RALYL: variants seen among roughly 807,000 people sequenced by gnomAD.
RALYL encodes RALY RNA binding protein like.
RALYL carries 29 observed loss-of-function variants against 35.1 expected under a neutral mutation model. The ratio of observed to expected loss-of-function variants is 0.83; its 90% CI spans 0.61 to 1.13. The LOEUF is 1.13. RALYL is among the 50% of genes most tolerant of loss of function. RALYL has a pLI of 0.00. For missense variants in RALYL, 359 were observed against 360.4 expected (o/e 1.00, Z 0.03); for synonymous variants, 120 against 127.6 (o/e 0.94, Z 0.40).
At chr8:84,331,440 T>C (rs1846795391) in intron 1 of RALYL, among the ~76,000 whole-genome samples, 1 of 152,116 alleles carries the variant, frequency 6.6e-6, no homozygotes, top group Non-Finnish European at 1.5e-5. Context: ...TAAAATCTGA[T>C]GTTACCTTTT....
chr8:84,890,418 A>G (rs554376641), intron 8 of RALYL, among the ~76,000 whole-genome samples: 2 of 152,318 alleles, frequency 1.3e-5, no homozygotes, highest in South Asian at 2.1e-4. Context: ...AAAGGCTCCT[A>G]TGGAAAACAC....
At chr8:84,427,020 T>C (rs1219667067) in intron 1 of RALYL, among the ~76,000 whole-genome samples, 1 of 152,172 alleles carries the variant, frequency 6.6e-6, no homozygotes, top group Non-Finnish European at 1.5e-5. Context: ...GTAGTGTTAT[T>C]TAAAAAAGCT....
intron 2 of RALYL, among the ~76,000 whole-genome samples, chr8:84,575,961 C>CA (rs201624374): frequency 0.089 from 6,876 of 77,544 alleles, 249 homozygotes; most frequent in Middle Eastern, 0.16. Context: ...GATTTTGTCT[C>CA]AAAAAAAAAA....
intron 1 of RALYL, among the ~76,000 whole-genome samples, chr8:84,512,904 A>T (rs1587889177): frequency 6.6e-6 from 1 of 152,058 alleles, no homozygotes; most frequent in Non-Finnish European, 1.5e-5. Flanking sequence ...TTTTATACCA[A>T]TACCATGCTG....
chr8:84,554,494 A>C (rs527961252), intron 2 of RALYL, among the ~76,000 whole-genome samples: 1 of 152,332 alleles, frequency 6.6e-6, no homozygotes, highest in African/African-American at 2.4e-5. Context: ...AAAGAACCAA[A>C]AATATTAAAA....
At chr8:84,422,522 G>T in intron 1 of RALYL, among the ~76,000 whole-genome samples, 1 of 73,632 alleles carries the variant, frequency 1.4e-5, no homozygotes, top group Non-Finnish European at 2.5e-5. Flanking sequence ...TTGATTTTTT[G>T]AAGGGTTTTT....
rs542314654 is a variant in RALYL, at chr8:84,854,464, T to C, written c.413+4437T>C. Reference sequence around the variant, plus strand: ...AGAAACAAACTGGTTGGTCAGTTTTTCTTCCATTATAGCTGATTTGGGACA... The same window carrying C: ...AGAAACAAACTGGTTGGTCAGTTTTCCTTCCATTATAGCTGATTTGGGACA... On this transcript the variant is annotated intron_variant, in intron 5 of 8. Transcript: ENST00000521268. 2.6e-5 allele frequency among the ~76,000 whole-genome samples: 4 copies of C among 152,366 alleles called. No individual in the cohort carries two copies. The East Asian group carries it at 7.7e-4, about 29-fold the overall frequency.
At chr8:84,672,811 C>T (rs1443701948) in intron 2 of RALYL, among the ~76,000 whole-genome samples, 4 of 152,146 alleles carry the variant, frequency 2.6e-5, no homozygotes, top group African/African-American at 9.7e-5. Flanking sequence ...AGGTCCCTCC[C>T]ATGACATGTG....
At chr8:84,227,157 T>A (rs1262592482) in intron 1 of RALYL, among the ~76,000 whole-genome samples, 1 of 142,560 alleles carries the variant, frequency 7.0e-6, no homozygotes, top group Non-Finnish European at 1.5e-5. Context: ...ATCTCCCGGG[T>A]TCAAACGATT....
At chr8:84,229,923 A>G (rs1019590023) in intron 1 of RALYL, among the ~76,000 whole-genome samples, 3 of 152,214 alleles carry the variant, frequency 2.0e-5, no homozygotes, top group African/African-American at 7.2e-5. Flanking sequence ...GATTGCTTGT[A>G]GAATTAAAAC....
chr8:84,185,330 G>A (rs1388415628), intron 1 of RALYL: 1 of 428,590 alleles, frequency 2.3e-6, no homozygotes, highest in African/African-American at 2.0e-5. Flanking sequence ...TTTCCCCTGA[G>A]AACTGTGTAC....
At chr8:84,612,428 T>C (rs529872747) in intron 2 of RALYL, among the ~76,000 whole-genome samples, 1 of 152,132 alleles carries the variant, frequency 6.6e-6, no homozygotes, top group Non-Finnish European at 1.5e-5. Flanking sequence ...CTCCCCCTTT[T>C]GTAGGCTTTG....
chr8:84,432,226 A>G (rs925293547), intron 1 of RALYL, among the ~76,000 whole-genome samples: 2 of 152,180 alleles, frequency 1.3e-5, no homozygotes, highest in Non-Finnish European at 2.9e-5. Flanking sequence ...TGTCATATGC[A>G]ACAACATGGA....
In RALYL at chr8:84,726,575, T is replaced by A. The variant is rs1430005022; in HGVS notation, c.257-48004T>A. 2.0e-5 allele frequency among the ~76,000 whole-genome samples: 3 copies of A among 151,584 alleles called. No homozygotes were observed. The Admixed American group carries it at 2.0e-4, about 10-fold the overall frequency. On this transcript the variant is annotated intron_variant, in intron 2 of 8. Coordinates refer to ENST00000521268, the MANE Select transcript of RALYL (RefSeq NM_173848.7). Reference sequence around the variant, plus strand: ...TTATAAGGTAGAAATTGCCTTAAATTCACATTTAAAAGAAACCATGCAAAA... The same window carrying A: ...TTATAAGGTAGAAATTGCCTTAAATACACATTTAAAAGAAACCATGCAAAA...
chr8:84,286,220 G>A (rs1218323171), intron 1 of RALYL, among the ~76,000 whole-genome samples: 11 of 152,100 alleles, frequency 7.2e-5, no homozygotes, highest in South Asian at 2.1e-4. Flanking sequence ...GAGCCACTGC[G>A]CCTGGCCGAA....
chr8:84,324,050 A>G (rs538079769), intron 1 of RALYL, among the ~76,000 whole-genome samples: 1 of 152,144 alleles, frequency 6.6e-6, no homozygotes, highest in African/African-American at 2.4e-5. Context: ...TGCTGTACTA[A>G]ATTTTAAAGT....
intron 1 of RALYL, among the ~76,000 whole-genome samples, chr8:84,454,525 G>T (rs929456093): frequency 1.3e-5 from 2 of 151,996 alleles, no homozygotes; most frequent in African/African-American, 4.8e-5. Flanking sequence ...AAATCAACTC[G>T]ATTTGTGTTC....
At chr8:84,740,535 A>C (rs114866068) in intron 2 of RALYL, among the ~76,000 whole-genome samples, 109 of 152,170 alleles carry the variant, frequency 7.2e-4, no homozygotes, top group African/African-American at 2.5e-3. Flanking sequence ...AAGAATACTT[A>C]ACATGGATCT....
intron 1 of RALYL, among the ~76,000 whole-genome samples, chr8:84,329,454 G>C (rs1480872480): frequency 6.6e-6 from 1 of 151,944 alleles, no homozygotes; most frequent in Non-Finnish European, 1.5e-5. Context: ...GGGATTATGT[G>C]TTTTGTGCTT....
Sources: allele counts gnomAD v4.1 joint callset (sites outside exome capture counted in the v4.1 genomes callset), GRCh38; gene constraint gnomAD v4.1.1; transcripts MANE v1.5; gene names NCBI Gene and HGNC (gene_info 2026-07-23, HGNC 2026-07-21).